Variants in CSMD1 observed in about 807,000 individuals in gnomAD.
The protein encoded by CSMD1 is CUB and sushi domain-containing protein 1.
Under a neutral mutation model 417.5 loss-of-function variants are expected in CSMD1, and 213 were observed. The observed-to-expected ratio is 0.51, with a 90% confidence interval of 0.46 to 0.57. The LOEUF is 0.57. CSMD1 is among the 20% of genes least tolerant of loss of function. CSMD1 has a pLI of 0.00. For synonymous variants in CSMD1, 2,862 were observed against 1,736.8 expected (o/e 1.65, Z -16.11); for missense variants, 6,923 against 4,529.7 (o/e 1.53, Z -15.17).
intron 1 of CSMD1, among the ~76,000 whole-genome samples, chr8:4,677,661 C>G (rs1310227080): frequency 6.6e-6 from 1 of 152,122 alleles, no homozygotes; most frequent in Non-Finnish European, 1.5e-5. Flanking sequence ...ATCTCTCTGA[C>G]TAATTGTGAA....
chr8:4,554,407 G>A (rs1423700684), intron 2 of CSMD1, among the ~76,000 whole-genome samples: 2 of 152,128 alleles, frequency 1.3e-5, no homozygotes, highest in Non-Finnish European at 2.9e-5. Flanking sequence ...AAAGTGCTAC[G>A]ATAACAGGCG....
intron 3 of CSMD1, among the ~76,000 whole-genome samples, chr8:4,190,568 C>A: frequency 6.7e-6 from 1 of 149,168 alleles, no homozygotes; most frequent in African/African-American, 2.5e-5. Flanking sequence ...CTGAAAGAGA[C>A]TCTGATGATC....
intron 3 of CSMD1, among the ~76,000 whole-genome samples, chr8:4,256,468 C>A (rs575565506): frequency 6.6e-6 from 1 of 152,134 alleles, no homozygotes; most frequent in Non-Finnish European, 1.5e-5. Context: ...CATGAATTAA[C>A]CGAGTACTGG....
chr8:4,959,432 C>T (rs966982848), intron 1 of CSMD1, among the ~76,000 whole-genome samples: 4 of 152,224 alleles, frequency 2.6e-5, no homozygotes, highest in African/African-American at 9.6e-5. Context: ...AGGAAAGCAA[C>T]TAGTTGGGTA....
At chr8:4,158,451 C>G (rs1413779006) in intron 3 of CSMD1, among the ~76,000 whole-genome samples, 2 of 151,922 alleles carry the variant, frequency 1.3e-5, no homozygotes, top group Admixed American at 6.6e-5. Context: ...ATCAAAGAAA[C>G]AGTAATACTA....
At chr8:3,241,205 A>T (rs1799488681) in intron 26 of CSMD1, among the ~76,000 whole-genome samples, 1 of 151,570 alleles carries the variant, frequency 6.6e-6, no homozygotes, top group South Asian at 2.1e-4. Flanking sequence ...GGAACTGGGC[A>T]GGTGGGGATA....
intron 36 of CSMD1, among the ~76,000 whole-genome samples, chr8:3,181,988 G>A (rs907884286): frequency 2.0e-5 from 3 of 152,066 alleles, no homozygotes; most frequent in East Asian, 3.9e-4. Context: ...CTTTTTTCCT[G>A]ATGTATGTTC....
intron 5 of CSMD1, among the ~76,000 whole-genome samples, chr8:3,807,637 A>G (rs74557859): frequency 0.027 from 4,071 of 152,288 alleles, 71 homozygotes; most frequent in African/African-American, 0.053. Flanking sequence ...TGTTTTCAGT[A>G]AACACTGGGA....
At chr8:3,484,763 G>C (rs532588877) in intron 11 of CSMD1, among the ~76,000 whole-genome samples, 1 of 152,126 alleles carries the variant, frequency 6.6e-6, no homozygotes, top group South Asian at 2.1e-4. Context: ...TTAGAAAATG[G>C]GAAAAAGACT....
intron 17 of CSMD1, among the ~76,000 whole-genome samples, chr8:3,393,785 A>G (rs1028510932): frequency 1.3e-5 from 2 of 151,596 alleles, no homozygotes; most frequent in Admixed American, 1.3e-4. Context: ...TGGGAATTGA[A>G]CAATGAGAAC....
intron 1 of CSMD1, among the ~76,000 whole-genome samples, chr8:4,846,835 C>T (rs182857236): frequency 1.3e-3 from 204 of 152,108 alleles, no homozygotes; most frequent in African/African-American, 3.5e-3. Flanking sequence ...CATATATATG[C>T]GTATATTTAT....
chr8:2,966,221 C>T (rs1420912894), intron 58 of CSMD1, among the ~76,000 whole-genome samples: 6 of 152,124 alleles, frequency 3.9e-5, no homozygotes, highest in African/African-American at 1.4e-4. Context: ...CCTAATTAGG[C>T]ATGGGGTATA....
At chr8:4,605,614 A>G (rs1800824599) in intron 2 of CSMD1, among the ~76,000 whole-genome samples, 1 of 152,226 alleles carries the variant, frequency 6.6e-6, no homozygotes. Context: ...AAATCTAACC[A>G]TGACCTTTCC....
At chr8:3,147,697 C>G (rs968745460) in intron 40 of CSMD1, among the ~76,000 whole-genome samples, 6 of 152,194 alleles carry the variant, frequency 3.9e-5, no homozygotes, top group African/African-American at 1.4e-4. Context: ...ATAAATCTGA[C>G]ACTCTCTTAG....
intron 3 of CSMD1, among the ~76,000 whole-genome samples, chr8:4,034,170 G>C (rs534898207): frequency 3.3e-5 from 5 of 152,094 alleles, no homozygotes; most frequent in Non-Finnish European, 7.4e-5. Context: ...AACATTTTTA[G>C]AATACGGAAT....
At chr8:3,614,764 G>A (rs887229897) in intron 8 of CSMD1, among the ~76,000 whole-genome samples, 1 of 152,154 alleles carries the variant, frequency 6.6e-6, no homozygotes, top group Non-Finnish European at 1.5e-5. Flanking sequence ...GTTTCTTTGT[G>A]CCACGCACAG....
rs766407163 is a variant in CSMD1, at chr8:2,973,175, G to T, written c.8865C>A (p.Ser2955=). 1 of 1,613,752 alleles carries T rather than the reference G, an allele frequency of 6.2e-7. No individual in the cohort carries two copies. Among genetic ancestry groups the T allele is most frequent in the East Asian group, 2.2e-5 (1 of 44,866 alleles). The part of the protein sequence containing the change: ...SCEMGHQLRG[S]PERTCLLNGS... ...CATTGAGCAAACACGTGCGTTCAGG[G>T]GAGCCCCTCAGCTGGTGCCCCATTT... is the stretch of plus-strand genomic sequence containing the variant. The change falls in exon 57 of 70, where the codon TCC becomes TCA. Residue 2955 remains serine (S), a synonymous_variant. Transcript: ENST00000635120.
intron 2 of CSMD1, among the ~76,000 whole-genome samples, chr8:4,593,592 A>C (rs1800101359): frequency 6.6e-6 from 1 of 152,146 alleles, no homozygotes; most frequent in African/African-American, 2.4e-5. Flanking sequence ...GAAAGTAGAA[A>C]ATAACAAATG....
intron 5 of CSMD1, among the ~76,000 whole-genome samples, chr8:3,755,308 C>A (rs772674453): frequency 2.0e-5 from 3 of 152,074 alleles, no homozygotes; most frequent in African/African-American, 2.4e-5. Flanking sequence ...AAACTGGACA[C>A]GAAAATACCT....
Sources: gnomAD v4.1 joint callset for allele counts (sites outside exome capture counted in the v4.1 genomes callset) on GRCh38, gnomAD v4.1.1 for gene constraint, MANE v1.5 for transcripts, NCBI Gene and HGNC (gene_info 2026-07-23, HGNC 2026-07-21) for gene names.